ADAMTSL1: variants seen among roughly 807,000 people sequenced by gnomAD.
ADAMTSL1 encodes ADAMTS-like protein 1.
Under a neutral mutation model 201.8 loss-of-function variants are expected in ADAMTSL1, and 126 were observed. The ratio of observed to expected loss-of-function variants is 0.62; its 90% CI spans 0.54 to 0.72. The LOEUF (loss-of-function observed/expected upper bound fraction) is 0.72, where lower values mean the gene tolerates loss of function less well. Among genes scored for constraint, ADAMTSL1 ranks in the 30% least tolerant of loss-of-function variants. The pLI, the probability that ADAMTSL1 is intolerant of heterozygous loss-of-function variation, is 0.00. For missense variants in ADAMTSL1, 2,679 were observed against 2,277.8 expected (o/e 1.18, Z -3.59); for synonymous variants, 1,121 against 903.4 (o/e 1.24, Z -4.32).
In ADAMTSL1 at chr9:17,983,123, G is replaced by A. The variant is rs148715636; in HGVS notation, c.87+76201G>A. Among the ~76,000 whole-genome samples the A allele has an allele frequency of 5.0e-3, 630 of 126,826 alleles. 9 individuals carry two copies. Among genetic ancestry groups the A allele is most frequent in the African/African-American group, 0.017 (598 of 34,786 alleles). The allele number at this position is 126,826 out of a possible 152,430, so 83.2% of individuals were successfully genotyped here. On this transcript the variant is annotated intron_variant, in intron 1 of 29. Transcript: ENST00000680146. The stretch of plus-strand genomic sequence containing the variant: ...TCTTGCTCTGTCACCAGGCTGGAGT[G>A]CAATGGCACGATCTCTGCTCACTGC...
chr9:18,508,814 T>C (rs1168941715), intron 2 of ADAMTSL1, among the ~76,000 whole-genome samples: 1 of 152,190 alleles, frequency 6.6e-6, no homozygotes, highest in Non-Finnish European at 1.5e-5. Context: ...ACTACTTGAC[T>C]GTAATTAGGT....
At chr9:18,754,662 G>A (rs1177921771) in intron 16 of ADAMTSL1, among the ~76,000 whole-genome samples, 2 of 152,188 alleles carry the variant, frequency 1.3e-5, no homozygotes, top group Non-Finnish European at 2.9e-5. Context: ...ATTTGGCAGA[G>A]CCCCTCCCTT....
intron 4 of ADAMTSL1, among the ~76,000 whole-genome samples, chr9:18,612,939 T>G (rs938528130): frequency 2.6e-5 from 4 of 152,096 alleles, no homozygotes; most frequent in African/African-American, 9.7e-5. Flanking sequence ...ACCTACAGAA[T>G]TGGAGAAAAT....
At chr9:18,881,933 A>C (rs1828561141) in intron 23 of ADAMTSL1, among the ~76,000 whole-genome samples, 1 of 152,192 alleles carries the variant, frequency 6.6e-6, no homozygotes, top group Non-Finnish European at 1.5e-5. Context: ...TGGGAACAAG[A>C]CCAAGACCCA....
intron 1 of ADAMTSL1, among the ~76,000 whole-genome samples, chr9:17,956,158 A>C (rs533528783): frequency 6.6e-6 from 1 of 152,206 alleles, no homozygotes; most frequent in East Asian, 1.9e-4. Context: ...TACATTTTTC[A>C]TAAATACATC....
chr9:18,904,370 G>A (rs1355035444), intron 26 of ADAMTSL1, among the ~76,000 whole-genome samples: 1 of 151,978 alleles, frequency 6.6e-6, no homozygotes, highest in Admixed American at 6.6e-5. Flanking sequence ...TTGGGAGGCT[G>A]AAACAGGATA....
rs1005475015 is a variant in ADAMTSL1 at position 18,716,536 on chromosome 9, A to G, written c.1877-5000A>G. Among the ~76,000 whole-genome samples, 23 of 150,450 alleles carry G rather than the reference A, an allele frequency of 1.5e-4. 1 individual carries two copies. Among genetic ancestry groups the G allele is most frequent in the Admixed American group, 1.3e-3 (19 of 14,998 alleles). The stretch of plus-strand genomic sequence containing the variant: ...AGAAATGCAAATCAAAACCACAATG[A>G]GATACCATCTCACACCAGTTAGAAT... On this transcript the variant is annotated intron_variant, in intron 14 of 28. Coordinates refer to ENST00000380548, the MANE Select transcript of ADAMTSL1 (RefSeq NM_001040272.6).
chr9:18,383,941 C>G (rs1837673922), intron 2 of ADAMTSL1, among the ~76,000 whole-genome samples: 1 of 152,090 alleles, frequency 6.6e-6, no homozygotes, highest in Non-Finnish European at 1.5e-5. Flanking sequence ...GAATAGGCCC[C>G]AGATTCTGCA....
At chr9:18,743,291 G>T (rs1407371374) in intron 15 of ADAMTSL1, among the ~76,000 whole-genome samples, 1 of 152,126 alleles carries the variant, frequency 6.6e-6, no homozygotes, top group African/African-American at 2.4e-5. Context: ...CCTAGTTTTG[G>T]TGTTATTCTG....
At chr9:18,531,413 C>A (rs1173602012) in intron 2 of ADAMTSL1, among the ~76,000 whole-genome samples, 2 of 152,178 alleles carry the variant, frequency 1.3e-5, no homozygotes, top group South Asian at 2.1e-4. Flanking sequence ...GAAATTCATT[C>A]GCCTTTTGTC....
At chr9:18,080,401 C>A (rs1587000158) in intron 1 of ADAMTSL1, among the ~76,000 whole-genome samples, 1 of 152,258 alleles carries the variant, frequency 6.6e-6, no homozygotes, top group South Asian at 2.1e-4. Context: ...TGAGCAAAAT[C>A]TTAAGATAGC....
intron 2 of ADAMTSL1, among the ~76,000 whole-genome samples, chr9:18,513,836 C>G (rs567151235): frequency 5.9e-5 from 9 of 152,134 alleles, no homozygotes; most frequent in Non-Finnish European, 1.3e-4. Flanking sequence ...TGTCTTTACA[C>G]CAAGGTGTCT....
At chr9:18,694,908 G>T (rs146638579) in intron 13 of ADAMTSL1, among the ~76,000 whole-genome samples, 4 of 152,262 alleles carry the variant, frequency 2.6e-5, no homozygotes, top group East Asian at 1.9e-4. Context: ...AAGCATTTCC[G>T]TACATCCTCT....
At chr9:18,397,009 C>T (rs141369843) in intron 2 of ADAMTSL1, among the ~76,000 whole-genome samples, 424 of 145,724 alleles carry the variant, frequency 2.9e-3, no homozygotes, top group Non-Finnish European at 4.1e-3. Flanking sequence ...CTAACAGAAT[C>T]CCTGATGATG....
intron 1 of ADAMTSL1, among the ~76,000 whole-genome samples, chr9:17,999,048 G>A (rs1312053107): frequency 1.3e-5 from 2 of 151,776 alleles, no homozygotes; most frequent in Non-Finnish European, 2.9e-5. Flanking sequence ...CTCTTTTTTT[G>A]TTCCCTATAT....
intron 1 of ADAMTSL1, among the ~76,000 whole-genome samples, chr9:18,132,818 A>G (rs1016356184): frequency 1.3e-5 from 2 of 152,142 alleles, no homozygotes; most frequent in East Asian, 1.9e-4. Context: ...ATTGTCTACA[A>G]TGTCAGTTTA....
intron 5 of ADAMTSL1, among the ~76,000 whole-genome samples, chr9:18,626,561 G>C (rs1826369764): frequency 6.6e-6 from 1 of 152,210 alleles, no homozygotes; most frequent in African/African-American, 2.4e-5. Flanking sequence ...AAAATGATAT[G>C]AGGCTGGGGG....
chr9:18,518,290 G>C (rs984779296), intron 2 of ADAMTSL1, among the ~76,000 whole-genome samples: 1 of 149,910 alleles, frequency 6.7e-6, no homozygotes, highest in Non-Finnish European at 1.5e-5. Context: ...TTTCCACCCC[G>C]CCCCCCAACC....
chr9:18,681,995 T>C (rs1326246172), intron 12 of ADAMTSL1, 36 bp downstream of exon 12: 2 of 1,609,362 alleles, frequency 1.2e-6, no homozygotes, highest in Admixed American at 1.7e-5. Flanking sequence ...AGCCTGTTAA[T>C]TGTTGTGTGT....
Sources: allele counts gnomAD v4.1 joint callset (sites outside exome capture counted in the v4.1 genomes callset), GRCh38; gene constraint gnomAD v4.1.1; transcripts MANE v1.5; gene names NCBI Gene and HGNC (gene_info 2026-07-23, HGNC 2026-07-21).